CLVS1: variants seen among roughly 807,000 people sequenced by gnomAD.
CLVS1 encodes clavesin 1, also known as clavesin-1.
Under a neutral mutation model 33.1 loss-of-function variants are expected in CLVS1, and 10 were observed. The observed-to-expected ratio is 0.30, with a 90% CI of 0.19 to 0.51. CLVS1 has a LOEUF of 0.51. CLVS1 is among the 20% of genes least tolerant of loss of function. The pLI, the probability that CLVS1 is intolerant of heterozygous loss-of-function variation, is 0.97. For synonymous variants in CLVS1, 163 were observed against 166.1 expected (o/e 0.98, Z 0.14); for missense variants, 343 against 433.4 (o/e 0.79, Z 1.85).
At chr8:61,448,826 TG>T (rs1246118326) in intron 3 of CLVS1, among the ~76,000 whole-genome samples, 2 of 152,226 alleles carry the variant, frequency 1.3e-5, no homozygotes, top group African/African-American at 4.8e-5. Flanking sequence ...TCATAATTGC[TG>T]TTGAAACATT....
At chr8:61,138,405 A>G (rs1017166508) in intron 2 of CLVS1, among the ~76,000 whole-genome samples, 2 of 152,250 alleles carry the variant, frequency 1.3e-5, no homozygotes, top group African/African-American at 2.4e-5. Flanking sequence ...GGCAGCCCCT[A>G]TAAGTGTCCA....
In CLVS1 at chr8:61,304,868, TC is replaced by T. The variant is rs1810565896; in HGVS notation, c.455+4587del. ...TTTACTTTTTAGGGTCTCAATTGTA[TC>T]AAGTGGAAACAGATATCTGGCATAT... On this transcript the variant is annotated intron_variant, in intron 2 of 5. Coordinates refer to ENST00000325897, the MANE Select transcript of CLVS1 (RefSeq NM_173519.3). Among the ~76,000 whole-genome samples the T allele has an allele frequency of 2.0e-5, 3 of 152,154 alleles. No individual in the cohort carries two copies. In the South Asian group the frequency reaches 6.2e-4, roughly 31 times the overall value.
At position 61,111,966 on chromosome 8, in the gene CLVS1, G is replaced by GT. The variant is rs1181032025; in HGVS notation, c.-242-19797dup. Among the ~76,000 whole-genome samples, 4 of 152,088 alleles carry GT rather than the reference G, an allele frequency of 2.6e-5. No individual in the cohort carries two copies. In the South Asian group the frequency reaches 6.2e-4, roughly 24 times the overall value. On this transcript the variant is annotated intron_variant, in intron 1 of 2. Coordinates refer to the CLVS1 transcript ENST00000522621. ...TCTTCTTTTAGTAAACTTCAGCAAA[G>GT]TTTTTTTCAAATCGGTACTGTAGAA...
At chr8:61,089,913 A>ATGTTT (rs1262831357) in intron 1 of CLVS1, among the ~76,000 whole-genome samples, 4 of 152,198 alleles carry the variant, frequency 2.6e-5, no homozygotes, top group African/African-American at 9.6e-5. Context: ...GAGTGAGACC[A>ATGTTT]TGTTTTGTTT....
intron 2 of CLVS1, among the ~76,000 whole-genome samples, chr8:61,316,323 G>A (rs1479306353): frequency 6.6e-6 from 1 of 152,188 alleles, no homozygotes; most frequent in African/African-American, 2.4e-5. Context: ...GCGAATACAT[G>A]AATCTGTTGA....
At chr8:60,989,440 G>T in the CLVS1 span, among the ~76,000 whole-genome samples, 7 of 152,150 alleles carry the variant, frequency 4.6e-5, no homozygotes, top group Non-Finnish European at 1.0e-4. Flanking sequence ...GCCTCCCAAA[G>T]TGCAGATTCT....
At chr8:61,041,524 C>A in the CLVS1 span, among the ~76,000 whole-genome samples, 1 of 151,992 alleles carries the variant, frequency 6.6e-6, no homozygotes, top group Non-Finnish European at 1.5e-5. Context: ...TTTTGTAGTT[C>A]TTGTAGAGAT....
intron 1 of CLVS1, among the ~76,000 whole-genome samples, chr8:61,104,161 G>A (rs1025319838): frequency 6.6e-6 from 1 of 152,094 alleles, no homozygotes; most frequent in Non-Finnish European, 1.5e-5. Context: ...AATCATCCTT[G>A]CAAAATCCTA....
chr8:61,315,444 G>GT (rs1202378915), intron 2 of CLVS1, among the ~76,000 whole-genome samples: 1 of 152,010 alleles, frequency 6.6e-6, no homozygotes, highest in East Asian at 1.9e-4. Flanking sequence ...ATTCCCTTTG[G>GT]TGCCCTCATC....
the CLVS1 span, among the ~76,000 whole-genome samples, chr8:61,042,963 T>G: frequency 6.6e-6 from 1 of 152,216 alleles, no homozygotes; most frequent in Non-Finnish European, 1.5e-5. Context: ...GGTGTTTACT[T>G]GGGTAACCCT....
intron 2 of CLVS1, among the ~76,000 whole-genome samples, chr8:61,181,724 G>A (rs1807238724): frequency 1.3e-5 from 1 of 75,628 alleles, no homozygotes; most frequent in African/African-American, 3.6e-5. Flanking sequence ...TTTTGAGATG[G>A]AGTCTCGCTC....
At chr8:61,249,047 A>C (rs916896208) in intron 2 of CLVS1, among the ~76,000 whole-genome samples, 4 of 151,912 alleles carry the variant, frequency 2.6e-5, no homozygotes, top group Admixed American at 2.6e-4. Context: ...TATTTCTCCT[A>C]ATGCTATTCT....
At chr8:61,115,363 T>TTTTA (rs753560215) in intron 1 of CLVS1, among the ~76,000 whole-genome samples, 1,537 of 149,346 alleles carry the variant, frequency 0.01, 15 homozygotes, top group Non-Finnish European at 0.017. Context: ...TTATTTTTAT[T>TTTTA]TTTATTTATT....
the CLVS1 span, chr8:60,967,854 C>G: frequency 5.9e-6 from 2 of 338,292 alleles, no homozygotes; most frequent in Non-Finnish European, 5.9e-6. Flanking sequence ...GAGCGGGTGA[C>G]GTTTTAAAGT....
intron 1 of CLVS1, among the ~76,000 whole-genome samples, chr8:61,059,012 C>T (rs1399970538): frequency 6.6e-6 from 1 of 152,148 alleles, no homozygotes; most frequent in Non-Finnish European, 1.5e-5. Flanking sequence ...ACATCCATGT[C>T]TGAGACTTTG....
At chr8:61,007,806 C>T in the CLVS1 span, among the ~76,000 whole-genome samples, 5 of 152,180 alleles carry the variant, frequency 3.3e-5, no homozygotes, top group East Asian at 9.6e-4. Flanking sequence ...CGCACCGCCC[C>T]TGGGTACAGA....
chr8:61,325,806 C>T (rs1053780959), intron 2 of CLVS1, among the ~76,000 whole-genome samples: 2 of 152,142 alleles, frequency 1.3e-5, no homozygotes, highest in Non-Finnish European at 2.9e-5. Context: ...TATTTTCCAA[C>T]CCAACAAGTC....
rs183910225 is a variant in CLVS1, at chr8:61,467,612, A to G, written c.977+9070A>G. ...GGAAGGGGCAGTGGTTTCCCAAAGA[A>G]GAGGTACGGACCATATCGAAACTGT... On this transcript the variant is annotated intron_variant, in intron 5 of 5. Coordinates refer to ENST00000325897, the MANE Select transcript of CLVS1 (RefSeq NM_173519.3). Among the ~76,000 whole-genome samples the G allele has an allele frequency of 7.2e-5, 11 of 152,258 alleles. No homozygotes were observed. In the East Asian group the frequency reaches 2.1e-3, roughly 29 times the overall value.
the CLVS1 span, among the ~76,000 whole-genome samples, chr8:60,997,300 T>A: frequency 2.6e-5 from 4 of 152,108 alleles, no homozygotes; most frequent in Admixed American, 2.0e-4. Context: ...CCGGCAGACA[T>A]GCTGGGAATC....
Sources: gnomAD v4.1 joint callset for allele counts (sites outside exome capture counted in the v4.1 genomes callset) on GRCh38, gnomAD v4.1.1 for gene constraint, MANE v1.5 for transcripts, NCBI Gene and HGNC (gene_info 2026-07-23, HGNC 2026-07-21) for gene names.